Variants in NAV1 observed in about 807,000 individuals in gnomAD.
NAV1 encodes neuron navigator 1.
Under a neutral mutation model 175.2 loss-of-function variants are expected in NAV1, and 18 were observed. The observed-to-expected ratio is 0.10, with a 90% confidence interval of 0.07 to 0.15. NAV1 has a LOEUF of 0.15. Ranked by LOEUF, NAV1 falls within the 10% of genes least tolerant of loss-of-function variation. NAV1 has a pLI of 1.00. For missense variants in NAV1, 1,731 were observed against 2,436.6 expected (o/e 0.71, Z 6.10); for synonymous variants, 897 against 978.7 (o/e 0.92, Z 1.56).
intron 2 of NAV1, among the ~76,000 whole-genome samples, chr1:201,607,878 G>GTT (rs1447682236): frequency 8.4e-6 from 1 of 119,528 alleles, no homozygotes; most frequent in Admixed American, 8.9e-5. Flanking sequence ...TATTGTGTGT[G>GTT]TGTGTGTGTG....
intron 15 of NAV1, among the ~76,000 whole-genome samples, chr1:201,800,206 G>T (rs754977952): frequency 2.8e-4 from 42 of 152,136 alleles, no homozygotes; most frequent in Non-Finnish European, 4.4e-5. Flanking sequence ...TGGCTATGTT[G>T]CCCAGGCTAG....
chr1:201,726,194 C>T (rs777053516), intron 3 of NAV1, among the ~76,000 whole-genome samples: 6 of 152,098 alleles, frequency 3.9e-5, no homozygotes, highest in East Asian at 1.9e-4. Context: ...ATCCTAAGCA[C>T]GGCTCTAACT....
chr1:201,726,337 C>T (rs944878144), intron 3 of NAV1, among the ~76,000 whole-genome samples: 1 of 152,158 alleles, frequency 6.6e-6, no homozygotes, highest in African/African-American at 2.4e-5. Context: ...GTATAAAGAG[C>T]TGTCAGTTTG....
At chr1:201,687,286 A>G (rs537548438) in intron 1 of NAV1, among the ~76,000 whole-genome samples, 7 of 152,236 alleles carry the variant, frequency 4.6e-5, no homozygotes, top group African/African-American at 1.7e-4. Flanking sequence ...GGCACAGGAT[A>G]TGTTCTCTCT....
intron 1 of NAV1, among the ~76,000 whole-genome samples, chr1:201,696,611 G>T (rs1384980928): frequency 6.6e-6 from 1 of 152,212 alleles, no homozygotes. Flanking sequence ...TTCATTGCCT[G>T]CAGTGGAGGA....
intron 1 of NAV1, among the ~76,000 whole-genome samples, chr1:201,699,864 A>T (rs1484493069): frequency 6.6e-6 from 1 of 152,316 alleles, no homozygotes; most frequent in Middle Eastern, 3.4e-3. Context: ...GTAATAAATG[A>T]TGCTGGGAAA....
At chr1:201,715,321 G>A (rs1393678203) in intron 2 of NAV1, among the ~76,000 whole-genome samples, 6 of 151,908 alleles carry the variant, frequency 3.9e-5, no homozygotes, top group African/African-American at 1.5e-4. Context: ...CCACCACACC[G>A]GCTAATTTTT....
intron 1 of NAV1, among the ~76,000 whole-genome samples, chr1:201,586,804 A>G (rs1285231946): frequency 1.3e-5 from 2 of 152,180 alleles, no homozygotes; most frequent in African/African-American, 2.4e-5. Flanking sequence ...ATCTCCAAAT[A>G]TAACCACACT....
At position 201,539,261 on chromosome 1, in the gene NAV1, C is replaced by G. The variant is rs1665431093; in HGVS notation, c.-225C>G. 6.6e-6 allele frequency among the ~76,000 whole-genome samples: 1 copy of G among 152,126 alleles called. No homozygotes were observed. ...AACTTTGTGCTCGCGAGAAGCGGAC[C>G]CCGCACCCGCGCTGCCCTTGGGGAT... On this transcript the variant is annotated 5_prime_UTR_variant, in exon 1 of 34. Coordinates refer to the NAV1 transcript ENST00000685211. The surrounding 1 kb of genome is among the most constrained non-coding windows in gnomAD (Gnocchi z 5.6).
intron 3 of NAV1, among the ~76,000 whole-genome samples, chr1:201,729,799 G>A (rs1428700996): frequency 5.3e-5 from 8 of 152,144 alleles, no homozygotes; most frequent in South Asian, 2.1e-4. Context: ...CCAGGTACTC[G>A]GGAGGCTGAG....
At chr1:201,658,739 T>C (rs1669500403) in intron 1 of NAV1, among the ~76,000 whole-genome samples, 1 of 152,158 alleles carries the variant, frequency 6.6e-6, no homozygotes, top group South Asian at 2.1e-4. Context: ...TTGGAGATGT[T>C]GCTGATCGAT....
chr1:201,794,437 A>G (rs1453399029), intron 14 of NAV1, 29 bp from the exon 19 acceptor site: 1 of 1,601,790 alleles, frequency 6.2e-7, no homozygotes, highest in Non-Finnish European at 8.5e-7. Flanking sequence ...CACCGTGCCC[A>G]GCCAACGCTA....
At position 201,790,767 on chromosome 1, in the gene NAV1, G is replaced by GTGA; in HGVS notation, c.3321+2_3321+4dup. Reference sequence around the variant, plus strand: ...CTTGACGTCTCAGCTTTCTGCCAATGTGAGTGCCATGAAGTACGGAAAGAT... The same window carrying GTGA: ...CTTGACGTCTCAGCTTTCTGCCAATGTGATGAGTGCCATGAAGTACGGAAAGAT... On this transcript the variant is annotated splice_donor_variant, in intron 13 of 29. Transcript: ENST00000367296. LOFTEE classifies it high-confidence loss of function. 1 of 1,614,078 alleles carries GTGA rather than the reference G, an allele frequency of 6.2e-7. No individual in the cohort carries two copies. The highest frequency in any genetic ancestry group is 8.5e-7 in the Non-Finnish European group (1 of 1,179,970).
rs1674033032 is a variant in NAV1 at position 201,750,435 on chromosome 1, C to T, written c.1227-29986C>T. Among the ~76,000 whole-genome samples, 1 of 152,056 alleles carries T rather than the reference C, an allele frequency of 6.6e-6. No homozygotes were observed. The highest frequency in any genetic ancestry group is 1.5e-5 in the Non-Finnish European group (1 of 67,992). ...TTGGTGACTCTGCCTCCCTTTCAAA[C>T]AGAGCAGCCCTGTGTTTACCTGTTT... On this transcript the variant is annotated intron_variant, in intron 3 of 29. Transcript: ENST00000367296. This position sits in a 1 kb window ranked among gnomAD's most constrained non-coding sequence, Gnocchi z 4.1.
intron 1 of NAV1, among the ~76,000 whole-genome samples, chr1:201,557,017 G>C (rs1049455767): frequency 4.6e-5 from 7 of 152,170 alleles, no homozygotes; most frequent in African/African-American, 1.4e-4. Flanking sequence ...GATCCTGCCA[G>C]ACCACAGGGC....
At chr1:201,634,529 G>A (rs933518603) in intron 2 of NAV1, among the ~76,000 whole-genome samples, 3 of 152,208 alleles carry the variant, frequency 2.0e-5, no homozygotes, top group Non-Finnish European at 4.4e-5. Flanking sequence ...CTGGCTCTGG[G>A]AGGGGCTATG....
chr1:201,552,285 G>C (rs780247679), intron 1 of NAV1, among the ~76,000 whole-genome samples: 1 of 152,218 alleles, frequency 6.6e-6, no homozygotes, highest in Non-Finnish European at 1.5e-5. Flanking sequence ...AAGTAGCTTA[G>C]TTGGGTCCTG....
At chr1:201,696,232 A>G (rs1354211911) in intron 1 of NAV1, among the ~76,000 whole-genome samples, 1 of 152,090 alleles carries the variant, frequency 6.6e-6, no homozygotes, top group Non-Finnish European at 1.5e-5. Context: ...CGGGAGAGGG[A>G]GTGGCCCTGA....
intron 1 of NAV1, among the ~76,000 whole-genome samples, chr1:201,696,908 G>A (rs906033801): frequency 7.9e-5 from 12 of 152,138 alleles, no homozygotes; most frequent in Admixed American, 7.2e-4. Context: ...CATGCCTGGC[G>A]CACACTCGGG....
Sources: gnomAD v4.1 joint callset for allele counts (sites outside exome capture counted in the v4.1 genomes callset) on GRCh38, gnomAD v4.1.1 for gene constraint, Gnocchi (gnomAD v3.1) non-coding constraint, MANE v1.5 for transcripts, NCBI Gene and HGNC (gene_info 2026-07-23, HGNC 2026-07-21) for gene names.